Variants in KBTBD11 observed in about 807,000 individuals in gnomAD.
KBTBD11 encodes the protein kelch repeat and BTB domain containing 11.
For missense variants in KBTBD11, 1,390 were observed against 1,001.8 expected, an observed-to-expected ratio of 1.39 and a Z score of -5.23; for synonymous variants, 747 against 499.0, an observed-to-expected ratio of 1.50 and a Z score of -6.63.
chr8:1,983,547 C>T (rs1013849676), intron 1 of KBTBD11, among the ~76,000 whole-genome samples: 2 of 152,182 alleles, frequency 1.3e-5, no homozygotes, highest in African/African-American at 2.4e-5. Context: ...ATCTTTTCTG[C>T]TTTTGGTCTT....
At chr8:1,975,579 G>T (rs13274427) in intron 1 of KBTBD11, among the ~76,000 whole-genome samples, 1 of 152,176 alleles carries the variant, frequency 6.6e-6, no homozygotes, top group Non-Finnish European at 1.5e-5. Context: ...TAGGTGCCCT[G>T]TGTGATGTTT....
In KBTBD11 at chr8:2,000,772, G is replaced by C; in HGVS notation, c.-421G>C. On this transcript the variant is annotated 5_prime_UTR_variant, in exon 2 of 2. Coordinates refer to ENST00000320248, the MANE Select transcript of KBTBD11 (RefSeq NM_014867.3). ...CCTAGTCAGCCAGCGTTGCAAAGAG[G>C]GATAGCTAGTCACTCAGGCTGCAGA... The C allele has an allele frequency of 5.8e-6, 1 of 173,734 alleles. No homozygotes were observed. The highest frequency in any genetic ancestry group is 1.2e-5 in the Non-Finnish European group (1 of 82,536). 10.8% of individuals were successfully genotyped at this position (173,734 alleles called of 1,614,324 possible).
At position 2,001,959 on chromosome 8, in the gene KBTBD11, A is replaced by C; in HGVS notation, c.767A>C (p.Tyr256Ser). The C allele has an allele frequency of 1.4e-6, 2 of 1,473,522 alleles. No homozygotes were observed. The highest frequency in any genetic ancestry group is 1.8e-6 in the Non-Finnish European group (2 of 1,109,386). 91.3% of individuals were successfully genotyped at this position (1,473,522 alleles called of 1,614,324 possible). ...CTGAACGAGCTGCGCGACGCCGCCT[A>C]CTGCTTCATGAGCGACCACTATCTG... ...QRLNELRDAAYCFMSDHYLEV... is the reference protein window; with the variant it reads ...QRLNELRDAASCFMSDHYLEV... Residue 256 changes from tyrosine to serine, a missense_variant, in exon 2 of 2, where the codon TAC (tyrosine) becomes TCC (serine). Coordinates refer to ENST00000320248, the MANE Select transcript of KBTBD11 (RefSeq NM_014867.3).
chr8:1,996,504 G>T (rs1365475346), intron 1 of KBTBD11, among the ~76,000 whole-genome samples: 2 of 152,098 alleles, frequency 1.3e-5, no homozygotes, highest in African/African-American at 2.4e-5. Flanking sequence ...CTGACCTCAG[G>T]TGACCCACCC....
At chr8:1,974,371 G>C in intron 1 of KBTBD11, 1 of 984,942 alleles carries the variant, frequency 1.0e-6, no homozygotes, top group East Asian at 1.1e-4. Context: ...AGCCGGCACG[G>C]AAGCAGGAGC....
chr8:1,998,803 G>T (rs1427046144), intron 1 of KBTBD11, among the ~76,000 whole-genome samples: 2 of 152,224 alleles, frequency 1.3e-5, no homozygotes, highest in Non-Finnish European at 2.9e-5. Context: ...TGACTCAGCT[G>T]GCTGGAAAGA....
intron 1 of KBTBD11, among the ~76,000 whole-genome samples, chr8:1,999,304 A>G (rs2129315565): frequency 6.6e-6 from 1 of 152,316 alleles, no homozygotes; most frequent in East Asian, 1.9e-4. Context: ...TGCACATAAT[A>G]AGTAGAACTT....
chr8:1,974,394 C>T, intron 1 of KBTBD11: 1 of 984,670 alleles, frequency 1.0e-6, no homozygotes, highest in Non-Finnish European at 1.2e-6. Context: ...AAGCCGAAGC[C>T]AAGCGCGCGG....
rs1459030148 is a variant in KBTBD11 at position 2,002,352 on chromosome 8, C to T, written c.1160C>T (p.Pro387Leu). Reference sequence around the variant, plus strand: ...TCCGACCAGGTCTTCTGCTACAACCCGGCCACGGACAGCTGGAGCGCCGTG... The same window carrying T: ...TCCGACCAGGTCTTCTGCTACAACCTGGCCACGGACAGCTGGAGCGCCGTG... ...RPSDQVFCYN[P>L]ATDSWSAVRP... Residue 387 changes from proline (P) to leucine (L), a missense_variant, in exon 2 of 2, where the codon CCG becomes CTG. By Grantham distance (98) the Pro-to-Leu change is moderately conservative. Transcript: ENST00000320248. The surrounding 1 kb of genome is among the most constrained non-coding windows in gnomAD (Gnocchi z 4.1). The T allele has an allele frequency of 2.7e-6, 4 of 1,467,314 alleles. No individual in the cohort carries two copies. The highest frequency in any genetic ancestry group is 3.6e-6 in the Non-Finnish European group (4 of 1,115,272). The allele number at this position is 1,467,314 out of a possible 1,614,324, so 90.9% of individuals were successfully genotyped here. A position where few individuals can be genotyped will look rare whatever the true frequency, so the allele number is the denominator to read the frequency against.
Position 2,001,848 on chromosome 8 carries a change from C to T in KBTBD11, c.656C>T (p.Ala219Val). ...GCGCGCCGCCTGCAGCTGCCCGGCG[C>T]CGCGCAGCGCGCCACCGACGCCGTG... ...AGARRLQLPGAAQRATDAVGP... is the reference protein window; with the variant it reads ...AGARRLQLPGVAQRATDAVGP... The change falls in exon 2 of 2, where the codon GCC (alanine) becomes GTC (valine). Residue 219 changes from alanine (A) to valine (V), a missense_variant. Transcript: ENST00000320248. The T allele has an allele frequency of 1.6e-6, 2 of 1,247,078 alleles. No individual in the cohort carries two copies. The highest frequency in any genetic ancestry group is 2.4e-5 in the South Asian group (1 of 42,294). 77.3% of individuals were successfully genotyped at this position (1,247,078 alleles called of 1,614,324 possible).
Position 2,002,504 on chromosome 8 carries a change from G to T in KBTBD11, c.1312G>T (p.Val438Leu), listed in dbSNP as rs541540802. ...CCCGCGCGCCGACCGCTGGGCCCCC[G>T]TGGCGCCGCTGCCCCGGGGCGCCTT... ...YDPRADRWAP[V>L]APLPRGAFAV... Residue 438 changes from valine (V) to leucine (L), a missense_variant, in exon 2 of 2, where the codon GTG (valine) becomes TTG (leucine). Coordinates refer to ENST00000320248, the MANE Select transcript of KBTBD11 (RefSeq NM_014867.3). This position sits in a 1 kb window ranked among gnomAD's most constrained non-coding sequence, Gnocchi z 4.1. The T allele has an allele frequency of 2.6e-6, 4 of 1,513,084 alleles. No homozygotes were observed. The South Asian group carries it at 3.7e-5, about 14-fold the overall frequency. The allele number at this position is 1,513,084 out of a possible 1,614,324, so 93.7% of individuals were successfully genotyped here. A position where few individuals can be genotyped will look rare whatever the true frequency, so the allele number is the denominator to read the frequency against.
At chr8:1,976,734 G>T (rs534078776) in intron 1 of KBTBD11, among the ~76,000 whole-genome samples, 1 of 152,314 alleles carries the variant, frequency 6.6e-6, no homozygotes, top group African/African-American at 2.4e-5. Context: ...AGATGAGTGC[G>T]TTGAAGGAGA....
chr8:1,978,059 A>G (rs939782338), intron 1 of KBTBD11, among the ~76,000 whole-genome samples: 5 of 152,152 alleles, frequency 3.3e-5, no homozygotes, highest in African/African-American at 7.2e-5. Context: ...TTACATAGGT[A>G]AACGTGTGCC....
rs1817522860 is a variant in KBTBD11 at position 2,004,817 on chromosome 8, C to T, written c.*1753C>T. 6.0e-6 allele frequency: 1 copy of T among 167,044 alleles called. No individual in the cohort carries two copies. Among genetic ancestry groups the T allele is most frequent in the African/African-American group, 2.4e-5 (1 of 41,440 alleles). 10.3% of individuals were successfully genotyped at this position (167,044 alleles called of 1,614,324 possible). ...TATACTGGAGAAATGGTTGTAGAAA[C>T]AGTATTTACAGCAAAAGGAAACAAA... is the stretch of plus-strand genomic sequence containing the variant. On this transcript the variant is annotated 3_prime_UTR_variant, in exon 2 of 2. Coordinates refer to ENST00000320248, the MANE Select transcript of KBTBD11 (RefSeq NM_014867.3).
rs1469465442 is a variant in KBTBD11, at chr8:2,002,137, C to T, written c.945C>T (p.Pro315=). 4.3e-6 allele frequency: 5 copies of T among 1,161,400 alleles called. No individual in the cohort carries two copies. The highest frequency in any genetic ancestry group is 8.4e-5 in the East Asian group (2 of 23,748). The allele number at this position is 1,161,400 out of a possible 1,614,324, so 71.9% of individuals were successfully genotyped here. ...GERAGSRPQS[P]SGDADARGDA... ...GCGCGGGCAGCCGGCCTCAGAGCCC[C>T]TCGGGGGACGCGGACGCGCGCGGGG... is the stretch of plus-strand genomic sequence containing the variant. The change falls in exon 2 of 2, where the codon CCC becomes CCT. Residue 315 remains proline, a synonymous_variant. Coordinates refer to ENST00000320248, the MANE Select transcript of KBTBD11 (RefSeq NM_014867.3). The surrounding 1 kb of genome is among the most constrained non-coding windows in gnomAD (Gnocchi z 4.1).
intron 1 of KBTBD11, among the ~76,000 whole-genome samples, chr8:1,997,988 T>C (rs1384439199): frequency 1.3e-5 from 2 of 152,186 alleles, no homozygotes; most frequent in Non-Finnish European, 2.9e-5. Context: ...ATCATGACTT[T>C]TGAGATGATT....
At chr8:1,974,461 G>A (rs1816251799) in intron 1 of KBTBD11, 1 of 980,318 alleles carries the variant, frequency 1.0e-6, no homozygotes, top group Non-Finnish European at 1.2e-6. Context: ...CGGTCGCGGG[G>A]ATCGGCTGTC....
At chr8:1,998,775 C>T (rs1482306837) in intron 1 of KBTBD11, among the ~76,000 whole-genome samples, 2 of 145,344 alleles carry the variant, frequency 1.4e-5, no homozygotes, top group Admixed American at 6.8e-5. Flanking sequence ...CTTAGATTTG[C>T]TCTCTCTCTC....
chr8:1,974,708 A>T, intron 1 of KBTBD11: 1 of 985,430 alleles, frequency 1.0e-6, no homozygotes, highest in Non-Finnish European at 1.2e-6. Context: ...GGGATTCCGC[A>T]GGGGTCCCTC....
Sources: allele counts gnomAD v4.1 joint callset (sites outside exome capture counted in the v4.1 genomes callset), GRCh38; gene constraint gnomAD v4.1.1; non-coding constraint Gnocchi (gnomAD v3.1); transcripts MANE v1.5; gene names NCBI Gene and HGNC (gene_info 2026-07-23, HGNC 2026-07-21).